The following RFFL variants were observed in gnomAD, a reference collection of about 807,000 sequenced individuals.
The protein encoded by RFFL is ring finger and FYVE like domain containing E3 ubiquitin protein ligase, also known as E3 ubiquitin-protein ligase rififylin.
A neutral mutation model predicts 40.4 loss-of-function variants in RFFL; 16 were observed. That is an observed-to-expected ratio of 0.40 (90% CI 0.27 to 0.60). RFFL has a LOEUF of 0.60. Ranked by LOEUF, RFFL falls within the 20% of genes least tolerant of loss-of-function variation. The probability of loss-of-function intolerance (pLI) is 0.47; values close to 1 mark genes in which losing one functional copy is unlikely to be tolerated. For missense variants in RFFL, 367 were observed against 451.7 expected, an observed-to-expected ratio of 0.81 and a Z score of 1.70; for synonymous variants, 154 against 167.9, an observed-to-expected ratio of 0.92 and a Z score of 0.64.
intron 1 of RFFL, among the ~76,000 whole-genome samples, chr17:35,061,622 G>T (rs1037695678): frequency 6.7e-6 from 1 of 149,916 alleles, no homozygotes; most frequent in Non-Finnish European, 1.5e-5. Context: ...CATGCGTGGC[G>T]TGCCTTTTTT....
intron 1 of RFFL, among the ~76,000 whole-genome samples, chr17:35,041,483 C>T (rs1168667790): frequency 6.6e-6 from 1 of 152,094 alleles, no homozygotes; most frequent in Non-Finnish European, 1.5e-5. Flanking sequence ...ATAATCACTT[C>T]TTACATGGTT....
At chr17:35,020,068 T>A (rs2090999157) in intron 3 of RFFL, among the ~76,000 whole-genome samples, 1 of 152,134 alleles carries the variant, frequency 6.6e-6, no homozygotes, top group Non-Finnish European at 1.5e-5. Flanking sequence ...CTTTTAGACA[T>A]GGTATCACGC....
At chr17:35,050,570 G>A (rs1405145040) in intron 1 of RFFL, among the ~76,000 whole-genome samples, 2 of 151,192 alleles carry the variant, frequency 1.3e-5, no homozygotes, top group African/African-American at 4.9e-5. Flanking sequence ...TATTGCCTAG[G>A]TTGGTCTCAA....
chr17:35,060,113 G>A (rs1317780261), intron 1 of RFFL, among the ~76,000 whole-genome samples: 3 of 152,178 alleles, frequency 2.0e-5, no homozygotes, highest in South Asian at 2.1e-4. Context: ...TGGGATGACC[G>A]CTTTCACTCA....
intron 1 of RFFL, among the ~76,000 whole-genome samples, chr17:35,061,967 A>T (rs2091293830): frequency 1.3e-5 from 2 of 150,364 alleles, no homozygotes; most frequent in Non-Finnish European, 3.0e-5. Context: ...GGCGTGAGCC[A>T]CCGTGCCCAG....
intron 1 of RFFL, among the ~76,000 whole-genome samples, chr17:35,029,944 T>C (rs1271877292): frequency 2.0e-5 from 3 of 150,910 alleles, no homozygotes; most frequent in African/African-American, 7.4e-5. Context: ...ATGCGGTGTT[T>C]GGTTTTTTGT....
intron 1 of RFFL, among the ~76,000 whole-genome samples, chr17:35,086,072 T>C (rs2091427540): frequency 2.6e-5 from 4 of 152,172 alleles, no homozygotes; most frequent in Admixed American, 2.6e-4. Flanking sequence ...TAGGATATCC[T>C]ACTAAGAGCC....
chr17:35,082,943 ATC>A (rs2142388256), intron 1 of RFFL, among the ~76,000 whole-genome samples: 1 of 152,336 alleles, frequency 6.6e-6, no homozygotes, highest in Admixed American at 6.5e-5. Flanking sequence ...GGGATAACGT[ATC>A]TAGTGCCTGA....
intron 1 of RFFL, among the ~76,000 whole-genome samples, chr17:35,032,279 T>C (rs2091090106): frequency 6.6e-6 from 1 of 151,892 alleles, no homozygotes. Flanking sequence ...GTTGTCTCAT[T>C]TGCATATTAG....
intron 1 of RFFL, among the ~76,000 whole-genome samples, chr17:35,081,422 G>A (rs1466832399): frequency 6.6e-6 from 1 of 152,094 alleles, no homozygotes; most frequent in Non-Finnish European, 1.5e-5. Context: ...GATCTAAAAA[G>A]AATAGAACGA....
intron 1 of RFFL, among the ~76,000 whole-genome samples, chr17:35,028,382 A>G (rs1298684213): frequency 1.3e-5 from 2 of 152,036 alleles, no homozygotes; most frequent in Non-Finnish European, 2.9e-5. Context: ...CCCATAGTAC[A>G]TATCAAATGC....
chr17:35,019,367 A>T (rs1448244490), intron 3 of RFFL, among the ~76,000 whole-genome samples: 1 of 151,896 alleles, frequency 6.6e-6, no homozygotes, highest in African/African-American at 2.4e-5. Context: ...TCTACCTGAA[A>T]AGTTTGCTTG....
rs1181095908 is a variant in RFFL at position 35,012,162 on chromosome 17, A to ACAGGG, written c.911-18_911-14dup. ...GGTACTGCTCCCCCTGTACAAACAC[A>ACAGGG]CAGGGCAGAAAAAAAGGGGCAGAGG... On this transcript the variant is annotated splice_polypyrimidine_tract_variant and intron_variant, in intron 6 of 6. Coordinates refer to ENST00000394597, the MANE Select transcript of RFFL (RefSeq NM_001017368.2). The ACAGGG allele has an allele frequency of 6.2e-7, 1 of 1,611,334 alleles. No individual in the cohort carries two copies. Among genetic ancestry groups the ACAGGG allele is most frequent in the East Asian group, 2.2e-5 (1 of 44,858 alleles).
intron 1 of RFFL, among the ~76,000 whole-genome samples, chr17:35,027,836 C>A (rs539105527): frequency 1.3e-5 from 2 of 151,724 alleles, no homozygotes; most frequent in African/African-American, 4.8e-5. Context: ...AGTTCGACAG[C>A]AGCCTAGCCA....
chr17:35,076,582 G>T (rs1226394510), intron 1 of RFFL, among the ~76,000 whole-genome samples: 1 of 151,550 alleles, frequency 6.6e-6, no homozygotes, highest in Admixed American at 6.6e-5. Flanking sequence ...GGAGGCTGAG[G>T]CAGGAGAATT....
chr17:35,058,950 T>A (rs2091275883), intron 1 of RFFL, among the ~76,000 whole-genome samples: 1 of 151,734 alleles, frequency 6.6e-6, no homozygotes, highest in South Asian at 2.1e-4. Flanking sequence ...CTGCCAGGCC[T>A]AGGTCTTATG....
At chr17:35,053,250 A>G (rs2142359098) in intron 1 of RFFL, among the ~76,000 whole-genome samples, 1 of 152,372 alleles carries the variant, frequency 6.6e-6, no homozygotes, top group South Asian at 2.1e-4. Flanking sequence ...AGTTCCTCCA[A>G]AGAGACAGAG....
At chr17:35,055,153 C>T (rs1188163483) in intron 1 of RFFL, among the ~76,000 whole-genome samples, 2 of 152,066 alleles carry the variant, frequency 1.3e-5, no homozygotes, top group South Asian at 2.1e-4. Flanking sequence ...CTCCTGACCT[C>T]GTGATCCACT....
intron 1 of RFFL, among the ~76,000 whole-genome samples, chr17:35,032,119 A>G (rs1438475450): frequency 4.0e-5 from 6 of 151,648 alleles, no homozygotes; most frequent in African/African-American, 7.3e-5. Context: ...AAAGAAAAAG[A>G]AACTACAAAA....
Sources: allele counts gnomAD v4.1 joint callset (sites outside exome capture counted in the v4.1 genomes callset), GRCh38; gene constraint gnomAD v4.1.1; transcripts MANE v1.5; gene names NCBI Gene and HGNC (gene_info 2026-07-23, HGNC 2026-07-21).